Variants in RSRP1 observed in about 807,000 individuals in gnomAD.
RSRP1 encodes arginine/serine-rich protein 1.
RSRP1 carries 37 observed loss-of-function variants against 33.0 expected under a neutral mutation model. The ratio of observed to expected loss-of-function variants is 1.12; its 90% CI spans 0.86 to 1.48. The LOEUF (loss-of-function observed/expected upper bound fraction) is 1.48. Ranked by LOEUF, RSRP1 falls within the 40% of genes most tolerant of loss-of-function variation. The pLI is 0.00. For synonymous variants in RSRP1, 167 were observed against 158.7 expected, an observed-to-expected ratio of 1.05 and a Z score of -0.40; for missense variants, 402 against 385.3, an observed-to-expected ratio of 1.04 and a Z score of -0.36.
rs117428598 is a variant in RSRP1 at position 25,306,263 on chromosome 1, A to G, written c.-67+31715T>C. Among the ~76,000 whole-genome samples, 452 of 131,726 alleles carry G rather than the reference A, an allele frequency of 3.4e-3. 47 individuals are homozygous for G. In the East Asian group the frequency reaches 0.071, roughly 21 times the overall value. 86.4% of individuals were successfully genotyped at this position (131,726 alleles called of 152,430 possible). ...TCCTACAGTACACAGGGCAGCCCCC[A>G]CCACAAGGAATTATCAGCTGAAATT... On this transcript the variant is annotated intron_variant, in intron 1 of 1. Transcript: ENST00000561867.
intron 1 of RSRP1, among the ~76,000 whole-genome samples, chr1:25,302,484 T>C (rs1643465061): frequency 1.5e-5 from 2 of 129,244 alleles, no homozygotes; most frequent in Admixed American, 7.5e-5. Context: ...ATGAGTTCCA[T>C]GGTGACAGAA....
chr1:25,264,236 T>A (rs1382184943), intron 1 of RSRP1, among the ~76,000 whole-genome samples: 2 of 151,900 alleles, frequency 1.3e-5, no homozygotes, highest in Non-Finnish European at 2.9e-5. Context: ...GTGTGTGGGG[T>A]CTCTGACCCC....
upstream of RSRP1, among the ~76,000 whole-genome samples, chr1:25,251,616 A>C (rs1187830992): frequency 6.6e-6 from 1 of 152,024 alleles, no homozygotes; most frequent in African/African-American, 2.4e-5. Flanking sequence ...TGATCCGCCC[A>C]CCTCAACCTC....
chr1:25,276,139 T>C (rs1238729623), intron 1 of RSRP1, among the ~76,000 whole-genome samples: 1 of 131,794 alleles, frequency 7.6e-6, no homozygotes, highest in Admixed American at 7.4e-5. Flanking sequence ...TATCTTACGA[T>C]ATACAAGGAT....
chr1:25,334,849 C>A, intron 1 of RSRP1, among the ~76,000 whole-genome samples: 1 of 131,594 alleles, frequency 7.6e-6, no homozygotes, highest in African/African-American at 2.7e-5. Flanking sequence ...GCACCAAGTC[C>A]CTAGGCTGCA....
At position 25,302,696 on chromosome 1, in the gene RSRP1, C is replaced by G. The variant is rs181973482; in HGVS notation, c.-67+35282G>C. Among the ~76,000 whole-genome samples the G allele has an allele frequency of 2.7e-3, 355 of 130,134 alleles. 93 individuals are homozygous for G. Among genetic ancestry groups the G allele is most frequent in the Non-Finnish European group, 2.6e-3 (143 of 55,112 alleles). The allele number at this position is 130,134 out of a possible 152,430, so 85.4% of individuals were successfully genotyped here. ...CCAGTCACACAGGGTGGCACAGGCACCAAGTAGCCAATAATAATAATAAAA... is the reference window on the plus strand; with the variant it reads ...CCAGTCACACAGGGTGGCACAGGCAGCAAGTAGCCAATAATAATAATAAAA... On this transcript the variant is annotated intron_variant, in intron 1 of 1. Transcript: ENST00000561867.
At position 25,306,447 on chromosome 1, in the gene RSRP1, G is replaced by A. The variant is rs369712636; in HGVS notation, c.-67+31531C>T. ...CAACAAACTCCCCGATGATGTGAGT[G>A]CACATTCAAGTCTGAGAAGGGCTTC... is the stretch of plus-strand genomic sequence containing the variant. On this transcript the variant is annotated intron_variant, in intron 1 of 1. Transcript: ENST00000561867. 1.3e-5 allele frequency: 10 copies of A among 771,536 alleles called. 1 individual carries two copies. The African/African-American group carries it at 1.4e-4, about 11-fold the overall frequency. 47.8% of individuals were successfully genotyped at this position (771,536 alleles called of 1,614,324 possible).
At position 25,320,537 on chromosome 1, in the gene RSRP1, C is replaced by G. The variant is rs181073385; in HGVS notation, c.-67+17441G>C. On this transcript the variant is annotated intron_variant, in intron 1 of 1. Transcript: ENST00000561867. ...CCAATATCAGCTAAAAGCAGCACCA[C>G]GAAAGGGAAATACGAATCTCACTAA... 2.6e-3 allele frequency among the ~76,000 whole-genome samples: 337 copies of G among 131,764 alleles called. 46 individuals are homozygous for G. The highest frequency in any genetic ancestry group is 8.1e-3 in the African/African-American group (316 of 38,850). 86.4% of individuals were successfully genotyped at this position (131,764 alleles called of 152,430 possible). A position where few individuals can be genotyped will look rare whatever the true frequency, so the allele number is the denominator to read the frequency against.
chr1:25,247,659 C>T (rs1346961362), upstream of RSRP1: 2 of 152,406 alleles, frequency 1.3e-5, no homozygotes, highest in Admixed American at 1.3e-4. Flanking sequence ...TTTGATACAT[C>T]AGGGTGTCCC....
chr1:25,293,766 G>A (rs1642711046), intron 1 of RSRP1, among the ~76,000 whole-genome samples: 1 of 132,156 alleles, frequency 7.6e-6, no homozygotes, highest in South Asian at 2.3e-4. Flanking sequence ...TTTTATTCAT[G>A]AATTAAGAGT....
rs1317623166 is a variant in RSRP1, at chr1:25,322,504, C to T, written c.-67+15474G>A. ...CCTGGCCAACGTGTCGAAACCCCAT[C>T]TCTACTAAAAATACAAAAGTTAGCT... is the stretch of plus-strand genomic sequence containing the variant. On this transcript the variant is annotated intron_variant, in intron 1 of 1. Transcript: ENST00000561867. Among the ~76,000 whole-genome samples, 5 of 132,494 alleles carry T rather than the reference C, an allele frequency of 3.8e-5. 2 individuals are homozygous for T. Among genetic ancestry groups the T allele is most frequent in the African/African-American group, 7.7e-5 (3 of 38,952 alleles). 86.9% of individuals were successfully genotyped at this position (132,494 alleles called of 152,430 possible).
At position 25,284,810 on chromosome 1, in the gene RSRP1, C is replaced by G. The variant is rs368027003; in HGVS notation, c.-66-37781G>C. Reference sequence around the variant, plus strand: ...TCTGGGTCATAGAGGGAATGGACCCCGAAAGGACAGGTTCCAGAAGATCTG... The same window carrying G: ...TCTGGGTCATAGAGGGAATGGACCCGGAAAGGACAGGTTCCAGAAGATCTG... On this transcript the variant is annotated intron_variant, in intron 1 of 1. Coordinates refer to the RSRP1 transcript ENST00000561867. The G allele has an allele frequency of 1.0e-5, 14 of 1,339,300 alleles. No individual in the cohort carries two copies. The Admixed American group carries it at 1.5e-4, about 14-fold the overall frequency. 83.0% of individuals were successfully genotyped at this position (1,339,300 alleles called of 1,614,324 possible).
chr1:25,255,976 G>C (rs993542835), intron 1 of RSRP1, among the ~76,000 whole-genome samples: 24 of 152,072 alleles, frequency 1.6e-4, no homozygotes, highest in African/African-American at 5.6e-4. Flanking sequence ...GGCCACAAAT[G>C]GGGGGTTGGA....
chr1:25,321,919 C>T (rs1484877972), intron 1 of RSRP1: 2 of 1,333,400 alleles, frequency 1.5e-6, no homozygotes, highest in Middle Eastern at 1.9e-4. Context: ...ATATGGAAAG[C>T]ACCTCATGAG....
chr1:25,262,888 A>C (rs1341851878), intron 1 of RSRP1, among the ~76,000 whole-genome samples: 1 of 152,186 alleles, frequency 6.6e-6, no homozygotes, highest in Non-Finnish European at 1.5e-5. Flanking sequence ...GTCATATATC[A>C]ATCTCTTCTG....
chr1:25,258,122 C>T (rs1640005621), intron 1 of RSRP1, among the ~76,000 whole-genome samples: 1 of 152,172 alleles, frequency 6.6e-6, no homozygotes, highest in Admixed American at 6.6e-5. Flanking sequence ...TTAACCTTAA[C>T]ATATGCTTTG....
intron 3 of RSRP1, 123 bp from the exon 4 acceptor site, chr1:25,243,756 A>G: frequency 6.8e-7 from 1 of 1,462,164 alleles, no homozygotes; most frequent in East Asian, 2.6e-5. Flanking sequence ...ACTTGGATCT[A>G]ACAGCCTAAG....
chr1:25,261,631 C>T (rs1640156057), intron 1 of RSRP1, among the ~76,000 whole-genome samples: 1 of 151,604 alleles, frequency 6.6e-6, no homozygotes, highest in South Asian at 2.1e-4. Flanking sequence ...GTCTCAATCT[C>T]CTGACCTCGT....
intron 1 of RSRP1, among the ~76,000 whole-genome samples, chr1:25,256,560 G>A (rs372784374): frequency 3.6e-4 from 55 of 152,226 alleles, no homozygotes; most frequent in Middle Eastern, 6.8e-3. Flanking sequence ...AGGCTCAGGT[G>A]ATCCTCCTAC....
Sources: allele counts gnomAD v4.1 joint callset (sites outside exome capture counted in the v4.1 genomes callset), GRCh38; gene constraint gnomAD v4.1.1; transcripts MANE v1.5; gene names NCBI Gene and HGNC (gene_info 2026-07-23, HGNC 2026-07-21).